Variants in TAOK3 observed in about 807,000 individuals in gnomAD.
TAOK3 encodes the protein serine/threonine-protein kinase TAO3.
A neutral mutation model predicts 120.4 loss-of-function variants in TAOK3; 40 were observed. The observed-to-expected ratio is 0.33, with a 90% CI of 0.26 to 0.43. The LOEUF is 0.43. Ranked by LOEUF, TAOK3 falls within the 20% of genes least tolerant of loss-of-function variation. The probability of loss-of-function intolerance (pLI) is 1.00; values close to 1 mark genes in which losing one functional copy is unlikely to be tolerated. For synonymous variants in TAOK3, 355 were observed against 387.5 expected (o/e 0.92, Z 0.99); for missense variants, 821 against 1,112.1 (o/e 0.74, Z 3.72).
In TAOK3 at chr12:118,161,784, T is replaced by C; in HGVS notation, c.2139+4A>G. 1 of 1,614,180 alleles carries C rather than the reference T, an allele frequency of 6.2e-7. No homozygotes were observed. The highest frequency in any genetic ancestry group is 8.5e-7 in the Non-Finnish European group (1 of 1,180,030). The stretch of plus-strand genomic sequence containing the variant: ...CCAACACTGTCCAGCAGCACAAATC[T>C]TACCTTTAAGTTTTTTGGCTGTTGC... On this transcript the variant is annotated splice_donor_region_variant and intron_variant, in intron 18 of 20. Transcript: ENST00000392533. The surrounding 1 kb of genome is among the most constrained non-coding windows in gnomAD (Gnocchi z 4.5).
chr12:118,168,788 G>A (rs1236023187), intron 17 of TAOK3, among the ~76,000 whole-genome samples: 1 of 151,982 alleles, frequency 6.6e-6, no homozygotes, highest in Non-Finnish European at 1.5e-5. Flanking sequence ...GACATGAATT[G>A]TCCCCTTAGC....
intron 2 of TAOK3, among the ~76,000 whole-genome samples, chr12:118,260,156 T>C (rs2140203883): frequency 6.6e-6 from 1 of 151,938 alleles, no homozygotes; most frequent in East Asian, 1.9e-4. Flanking sequence ...TGAGACAGGG[T>C]CTTGCTCTGT....
intron 1 of TAOK3, among the ~76,000 whole-genome samples, chr12:118,298,916 T>C (rs1483869889): frequency 6.6e-6 from 1 of 152,236 alleles, no homozygotes; most frequent in Non-Finnish European, 1.5e-5. Flanking sequence ...TTTGTTGTTC[T>C]GACCTAAATC....
rs773751889 is a variant in TAOK3 at position 118,151,289 on chromosome 12, G to GCACACACACACACACA, written c.2536-147_2536-132dup. On this transcript the variant is annotated intron_variant, in intron 20 of 20. Coordinates refer to ENST00000392533, the MANE Select transcript of TAOK3 (RefSeq NM_016281.4). ...GCACACACATGAAGTGCGCGCGCGC[G>GCACACACACACACACA]CACACACACACACACACACACACAC... The GCACACACACACACACA allele has an allele frequency of 9.9e-4, 251 of 253,004 alleles. 2 individuals carry two copies. Among genetic ancestry groups the GCACACACACACACACA allele is most frequent in the East Asian group, 9.0e-3 (218 of 24,290 alleles). The allele number at this position is 253,004 out of a possible 1,614,324, so 15.7% of individuals were successfully genotyped here.
chr12:118,252,324 T>C (rs2040791421), intron 3 of TAOK3, among the ~76,000 whole-genome samples: 2 of 152,096 alleles, frequency 1.3e-5, no homozygotes. Flanking sequence ...GCAAAACCAA[T>C]TTACATTTTT....
In TAOK3 at chr12:118,337,202, G is replaced by A. The variant is rs547460247; in HGVS notation, c.-194+35446C>T. ...TTAGGGAAATGTAAATTAAAGCCACGAGAAAATATTACTACTTACCTATCA... is the reference window on the plus strand; with the variant it reads ...TTAGGGAAATGTAAATTAAAGCCACAAGAAAATATTACTACTTACCTATCA... On this transcript the variant is annotated intron_variant, in intron 1 of 20. Transcript: ENST00000392533. Among the ~76,000 whole-genome samples, 47 of 152,258 alleles carry A rather than the reference G, an allele frequency of 3.1e-4. 1 individual carries two copies. Among genetic ancestry groups the A allele is most frequent in the African/African-American group, 1.1e-3 (47 of 41,556 alleles).
At chr12:118,316,372 G>A (rs1593515360) in intron 1 of TAOK3, among the ~76,000 whole-genome samples, 1 of 152,134 alleles carries the variant, frequency 6.6e-6, no homozygotes, top group Non-Finnish European at 1.5e-5. Context: ...TCTTTGGTCT[G>A]ATTCATAAAA....
chr12:118,192,965 T>C (rs957090128), intron 13 of TAOK3, among the ~76,000 whole-genome samples: 8 of 151,692 alleles, frequency 5.3e-5, no homozygotes, highest in Admixed American at 5.3e-4. Flanking sequence ...TAAAACATTA[T>C]CATCCAGGAA....
At chr12:118,171,492 G>T (rs1690502009) in intron 17 of TAOK3, among the ~76,000 whole-genome samples, 1 of 152,154 alleles carries the variant, frequency 6.6e-6, no homozygotes, top group Non-Finnish European at 1.5e-5. Context: ...GAGTAGCTGG[G>T]ATTATAGGCG....
In TAOK3 at chr12:118,223,386, G is replaced by A. The variant is rs868566760; in HGVS notation, c.644-9276C>T. Among the ~76,000 whole-genome samples the A allele has an allele frequency of 2.7e-5, 4 of 150,652 alleles. No individual in the cohort carries two copies. In the South Asian group the frequency reaches 6.3e-4, roughly 24 times the overall value. On this transcript the variant is annotated intron_variant, in intron 9 of 20. Coordinates refer to ENST00000392533, the MANE Select transcript of TAOK3 (RefSeq NM_016281.4). Reference sequence around the variant, plus strand: ...TTTTGAGGCAGAGTCTCGCTCTGTCGCCCAGGCTGGAGTACAATGGCGTGA... The same window carrying A: ...TTTTGAGGCAGAGTCTCGCTCTGTCACCCAGGCTGGAGTACAATGGCGTGA...
chr12:118,185,053 G>A (rs2036991908), intron 14 of TAOK3, among the ~76,000 whole-genome samples: 1 of 151,746 alleles, frequency 6.6e-6, no homozygotes, highest in African/African-American at 2.4e-5. Flanking sequence ...AGTATTTCTG[G>A]TGATGGAGAC....
chr12:118,273,034 A>G (rs145347084), intron 1 of TAOK3, among the ~76,000 whole-genome samples: 95 of 152,276 alleles, frequency 6.2e-4, no homozygotes, highest in African/African-American at 2.2e-3. Context: ...CTCCTGAACC[A>G]TGCTGCCCTA....
chr12:118,372,112 C>A lies in TAOK3; in HGVS notation c.-194+536G>T, dbSNP rs1010845539. On this transcript the variant is annotated intron_variant, in intron 1 of 20. Coordinates refer to ENST00000392533, the MANE Select transcript of TAOK3 (RefSeq NM_016281.4). This position sits in a 1 kb window ranked among gnomAD's most constrained non-coding sequence, Gnocchi z 4.6. ...GTCTTCACATCCCCTGACCGGTCCC[C>A]TCTCTTTACTCTGTCCTGGATTCTC... 6.6e-6 allele frequency among the ~76,000 whole-genome samples: 1 copy of A among 151,832 alleles called. No individual in the cohort carries two copies. Among genetic ancestry groups the A allele is most frequent in the African/African-American group, 2.4e-5 (1 of 41,336 alleles).
chr12:118,176,836 A>C (rs1475204408), intron 16 of TAOK3, among the ~76,000 whole-genome samples: 1 of 151,604 alleles, frequency 6.6e-6, no homozygotes, highest in Admixed American at 6.6e-5. Context: ...GTGCGATCTC[A>C]GCTCACTGCA....
chr12:118,229,562 T>A (rs1311455682), intron 9 of TAOK3, among the ~76,000 whole-genome samples: 1 of 152,212 alleles, frequency 6.6e-6, no homozygotes, highest in African/African-American at 2.4e-5. Flanking sequence ...AAAGTTATGA[T>A]ATTTATCATT....
chr12:118,249,330 C>T (rs1033399882), intron 3 of TAOK3, among the ~76,000 whole-genome samples: 2 of 151,926 alleles, frequency 1.3e-5, no homozygotes, highest in Non-Finnish European at 1.5e-5. Flanking sequence ...GGGAGGCCAA[C>T]GTGGGTGGAT....
In TAOK3 at chr12:118,255,564, G is replaced by A. The variant is rs781159188; in HGVS notation, c.4C>T (p.Arg2Cys). The change falls in exon 3 of 21, where the codon CGT becomes TGT. Residue 2 changes from arginine to cysteine, a missense_variant. Physicochemically the swap from Arg to Cys is radical, Grantham distance 180. This residue lies in a region of TAOK3 where 467 missense variants were observed against 540.0 expected (regional missense o/e 0.86). Transcript: ENST00000392533. ...TCTGGGTCCTTCAGCACCCCTTTAC[G>A]CATGATGGCCAGTAGAGCAGGCTCT... is the stretch of plus-strand genomic sequence containing the variant. M[R>C]KGVLKDPEIA... is the part of the protein sequence containing the mutation. 7.4e-6 allele frequency: 12 copies of A among 1,611,686 alleles called. No homozygotes were observed. Among genetic ancestry groups the A allele is most frequent in the Admixed American group, 1.7e-5 (1 of 59,684 alleles).
intron 11 of TAOK3, among the ~76,000 whole-genome samples, chr12:118,212,581 GATTA>G (rs2139469687): frequency 1.3e-5 from 2 of 152,276 alleles, no homozygotes; most frequent in East Asian, 3.9e-4. Context: ...GAGACCACTG[GATTA>G]ATGTTTATGC....
chr12:118,251,897 C>T (rs1397984899), intron 3 of TAOK3, among the ~76,000 whole-genome samples: 7 of 151,820 alleles, frequency 4.6e-5, no homozygotes, highest in African/African-American at 1.7e-4. Context: ...TCTCAGCTCA[C>T]TGCAAGCTCC....
Sources: allele counts gnomAD v4.1 joint callset (sites outside exome capture counted in the v4.1 genomes callset), GRCh38; gene constraint gnomAD v4.1.1; regional missense constraint gnomAD v4.1.1; non-coding constraint Gnocchi (gnomAD v3.1); transcripts MANE v1.5; gene names NCBI Gene and HGNC (gene_info 2026-07-23, HGNC 2026-07-21).